The following ARSB variants were observed in gnomAD, a reference collection of about 807,000 sequenced individuals.
ARSB encodes the protein arylsulfatase B, also known as N-acetylgalactosamine-4-sulfatase.
A neutral mutation model predicts 50.9 loss-of-function variants in ARSB; 41 were observed. That is an observed-to-expected ratio of 0.81 (90% confidence interval 0.63 to 1.04). The LOEUF (loss-of-function observed/expected upper bound fraction) is 1.04. Among genes scored for constraint, ARSB ranks in the 50% least tolerant of loss-of-function variants. The probability of loss-of-function intolerance (pLI) is 0.00; values close to 1 mark genes in which losing one functional copy is unlikely to be tolerated. For missense variants in ARSB, 672 were observed against 693.3 expected (o/e 0.97, Z 0.35); for synonymous variants, 269 against 284.8 (o/e 0.94, Z 0.56).
intron 4 of ARSB, among the ~76,000 whole-genome samples, chr5:78,916,573 T>C (rs183589097): frequency 2.0e-3 from 299 of 152,326 alleles, no homozygotes; most frequent in Non-Finnish European, 3.7e-3. Context: ...AACAGAAAGA[T>C]AAGAAGGAAG....
chr5:78,947,306 G>T (rs934924341), intron 4 of ARSB, among the ~76,000 whole-genome samples: 1 of 152,092 alleles, frequency 6.6e-6, no homozygotes, highest in African/African-American at 2.4e-5. Flanking sequence ...AAAAGCTCCT[G>T]CACAGTAAAG....
intron 4 of ARSB, among the ~76,000 whole-genome samples, chr5:78,919,238 GA>G (rs748678493): frequency 1.3e-5 from 2 of 152,160 alleles, no homozygotes; most frequent in Non-Finnish European, 2.9e-5. Context: ...AAGCTGTGGG[GA>G]CCACATAGTC....
In ARSB at chr5:78,890,251, C is replaced by CTTTTTTTTTT. The variant is rs55797488; in HGVS notation, c.899-4434_899-4425dup. On this transcript the variant is annotated intron_variant, in intron 4 of 7. Coordinates refer to ENST00000264914, the MANE Select transcript of ARSB (RefSeq NM_000046.5). ...ACATTCTGATATTCTCAAATCTTATCTTTTTTTTTTTTTTTTTGAGACAAA... is the reference window on the plus strand; with the variant it reads ...ACATTCTGATATTCTCAAATCTTATCTTTTTTTTTTTTTTTTTTTTTTTTTTTGAGACAAA... 1.5e-5 allele frequency among the ~76,000 whole-genome samples: 2 copies of CTTTTTTTTTT among 134,904 alleles called. 1 individual carries two copies. The highest frequency in any genetic ancestry group is 5.5e-5 in the African/African-American group (2 of 36,442). The allele number at this position is 134,904 out of a possible 152,430, so 88.5% of individuals were successfully genotyped here. A position where few individuals can be genotyped will look rare whatever the true frequency, so the allele number is the denominator to read the frequency against.
At chr5:78,954,699 T>A (rs1276717780) in intron 4 of ARSB, among the ~76,000 whole-genome samples, 1 of 152,092 alleles carries the variant, frequency 6.6e-6, no homozygotes, top group East Asian at 1.9e-4. Context: ...GAGAAGAGGT[T>A]TCACCATATT....
At chr5:78,787,279 A>AC (rs1749117831) in intron 6 of ARSB, among the ~76,000 whole-genome samples, 1 of 152,168 alleles carries the variant, frequency 6.6e-6, no homozygotes, top group African/African-American at 2.4e-5. Flanking sequence ...GTACCACACT[A>AC]CCAGGACTTG....
intron 6 of ARSB, among the ~76,000 whole-genome samples, chr5:78,821,357 C>T (rs1339873863): frequency 6.6e-6 from 1 of 152,086 alleles, no homozygotes; most frequent in Non-Finnish European, 1.5e-5. Context: ...AGGTTGGTCT[C>T]GAACTCCTGA....
intron 6 of ARSB, among the ~76,000 whole-genome samples, chr5:78,805,789 G>A (rs781287608): frequency 7.2e-5 from 11 of 152,132 alleles, no homozygotes; most frequent in African/African-American, 2.4e-4. Context: ...TGTGGGTTCC[G>A]GGGCACAGTC....
At chr5:78,948,701 C>T (rs896189739) in intron 4 of ARSB, among the ~76,000 whole-genome samples, 1 of 152,200 alleles carries the variant, frequency 6.6e-6, no homozygotes, top group Non-Finnish European at 1.5e-5. Flanking sequence ...GCCTGAACTT[C>T]AAACCCAGTT....
In ARSB at chr5:78,962,229, A is replaced by G. The variant is rs73130111; in HGVS notation, c.690+2187T>C. Among the ~76,000 whole-genome samples the G allele has an allele frequency of 7.3e-3, 1,114 of 152,324 alleles. 14 individuals are homozygous for G. The highest frequency in any genetic ancestry group is 0.026 in the African/African-American group (1,080 of 41,578). ...TCAAAGAATAATACACAGTTCTCTT[A>G]AGACTTTACCTTGTTAAGTGTTAAG... On this transcript the variant is annotated intron_variant, in intron 3 of 7. Coordinates refer to ENST00000264914, the MANE Select transcript of ARSB (RefSeq NM_000046.5).
chr5:78,922,223 G>T lies in ARSB; in HGVS notation c.898+33072C>A, dbSNP rs372535483. Among the ~76,000 whole-genome samples the T allele has an allele frequency of 2.0e-5, 3 of 151,474 alleles. No individual in the cohort carries two copies. In the South Asian group the frequency reaches 6.3e-4, roughly 32 times the overall value. On this transcript the variant is annotated intron_variant, in intron 4 of 7. Coordinates refer to ENST00000264914, the MANE Select transcript of ARSB (RefSeq NM_000046.5). ...TTGGTGGGGGGGGAGGAGGGGGCAC[G>T]TGACCTACTGAGACACCAGCTAGGA...
At chr5:78,937,847 T>C (rs1184472590) in intron 4 of ARSB, among the ~76,000 whole-genome samples, 1 of 151,906 alleles carries the variant, frequency 6.6e-6, no homozygotes, top group Non-Finnish European at 1.5e-5. Context: ...AAAACAAATA[T>C]AAGGTGCCAA....
At chr5:78,820,753 C>T (rs115584963) in intron 6 of ARSB, among the ~76,000 whole-genome samples, 81 of 152,134 alleles carry the variant, frequency 5.3e-4, no homozygotes, top group African/African-American at 1.9e-3. Flanking sequence ...TTTAGTACAT[C>T]CCTGACTTCT....
At chr5:78,848,040 C>T (rs187852370) in intron 5 of ARSB, among the ~76,000 whole-genome samples, 220 of 150,764 alleles carry the variant, frequency 1.5e-3, no homozygotes, top group Admixed American at 5.5e-3. Context: ...TATTTTTTAG[C>T]GTGAATTTTT....
intron 6 of ARSB, chr5:78,815,641 T>C: frequency 1.0e-6 from 1 of 1,001,488 alleles, no homozygotes; most frequent in Non-Finnish European, 1.2e-6. Flanking sequence ...TATTAGGTAA[T>C]AAGAAAAGTT....
intron 6 of ARSB, among the ~76,000 whole-genome samples, chr5:78,831,554 G>T (rs1409848771): frequency 6.6e-6 from 1 of 152,054 alleles, no homozygotes; most frequent in Non-Finnish European, 1.5e-5. Flanking sequence ...CTCATATCTG[G>T]GTGCCCTTCT....
At chr5:78,892,956 T>A (rs1326281791) in intron 4 of ARSB, among the ~76,000 whole-genome samples, 1 of 152,124 alleles carries the variant, frequency 6.6e-6, no homozygotes, top group African/African-American at 2.4e-5. Context: ...AAATAACCGA[T>A]TGATACGGTT....
intron 4 of ARSB, among the ~76,000 whole-genome samples, chr5:78,901,047 GA>G (rs71001135): frequency 0.15 from 17,387 of 115,012 alleles, 1,210 homozygotes; most frequent in Middle Eastern, 0.25. Flanking sequence ...TCCGTCTCAG[GA>G]AAAAAAAAAA....
chr5:78,868,005 C>T (rs1296408374), intron 5 of ARSB, among the ~76,000 whole-genome samples: 16 of 128,154 alleles, frequency 1.2e-4, no homozygotes, highest in South Asian at 1.2e-3. Context: ...TCGAGAACTA[C>T]GTGAAGAATG....
chr5:78,821,145 A>G (rs1744204644), intron 6 of ARSB, among the ~76,000 whole-genome samples: 1 of 152,036 alleles, frequency 6.6e-6, no homozygotes, highest in Admixed American at 6.6e-5. Context: ...TTATTTATTT[A>G]TTTATCTGAG....
Sources: allele counts gnomAD v4.1 joint callset (sites outside exome capture counted in the v4.1 genomes callset), GRCh38; gene constraint gnomAD v4.1.1; transcripts MANE v1.5; gene names NCBI Gene and HGNC (gene_info 2026-07-23, HGNC 2026-07-21).